The following ROR2 variants were observed in gnomAD, a reference collection of about 807,000 sequenced individuals.
ROR2 encodes ROR family WNT receptor 2.
ROR2 carries 33 observed loss-of-function variants against 74.9 expected under a neutral mutation model. The ratio of observed to expected loss-of-function variants is 0.44; its 90% CI spans 0.33 to 0.59. The LOEUF is 0.59. Ranked by LOEUF, ROR2 falls within the 20% of genes least tolerant of loss-of-function variation. ROR2 has a pLI of 0.02. For missense variants in ROR2, 1,216 were observed against 1,313.8 expected (o/e 0.93, Z 1.15); for synonymous variants, 586 against 558.7 (o/e 1.05, Z -0.69).
Position 91,933,213 on chromosome 9 carries a change from T to G in ROR2, c.97+16654A>C, listed in dbSNP as rs538415585. Among the ~76,000 whole-genome samples the G allele has an allele frequency of 3.9e-5, 6 of 151,924 alleles. 1 individual carries two copies. Among genetic ancestry groups the G allele is most frequent in the African/African-American group, 1.4e-4 (6 of 41,426 alleles). On this transcript the variant is annotated intron_variant, in intron 1 of 8. Coordinates refer to ENST00000375708, the MANE Select transcript of ROR2 (RefSeq NM_004560.4). ...CGCCTGTGGTCCCAGCTACTCAGGA[T>G]GCTGAGGCAGAAGAATCGCTTGAAC... is the stretch of plus-strand genomic sequence containing the variant.
chr9:91,724,806 T>C lies in ROR2; in HGVS notation c.1688A>G (p.Glu563Gly), dbSNP rs772019560. ...FSYCSHGDLH[E>G]FLVMRSPHSD... ...GTGCGGCGAGCGCATGACCAGGAATTCGTGGAGGTCGCCGTGCGAACAGTA... is the reference window on the plus strand; with the variant it reads ...GTGCGGCGAGCGCATGACCAGGAATCCGTGGAGGTCGCCGTGCGAACAGTA... The change falls in exon 9 of 9, where the codon GAA (glutamate) becomes GGA (glycine). Residue 563 changes from glutamate to glycine, a missense_variant. Transcript: ENST00000375708. The C allele has an allele frequency of 5.0e-6, 8 of 1,608,820 alleles. No individual in the cohort carries two copies. The African/African-American group carries it at 1.1e-4, about 22-fold the overall frequency.
chr9:91,925,091 TCCTCCCATCTTGG>T lies in ROR2; in HGVS notation c.97+24763_97+24775del, dbSNP rs1314677431. On this transcript the variant is annotated intron_variant, in intron 1 of 8. Coordinates refer to ENST00000375708, the MANE Select transcript of ROR2 (RefSeq NM_004560.4). Reference sequence around the variant, plus strand: ...GGTCTCAAACTCTTGGGCTCAGTAATCCTCCCATCTTGGCCTCCCCCAAAGTGCTGAGATTACA... The same window carrying T: ...GGTCTCAAACTCTTGGGCTCAGTAATCCTCCCCCAAAGTGCTGAGATTACA... Among the ~76,000 whole-genome samples the T allele has an allele frequency of 2.6e-5, 4 of 152,162 alleles. No homozygotes were observed. The East Asian group carries it at 7.8e-4, about 29-fold the overall frequency.
At chr9:91,735,398 A>C (rs4237215) in intron 5 of ROR2, among the ~76,000 whole-genome samples, 99,832 of 151,972 alleles carry the variant, frequency 0.66, 33,034 homozygotes, top group African/African-American at 0.73. Flanking sequence ...TCTCTAAAAG[A>C]TGCTATAAAA....
At chr9:91,739,029 A>C (rs1472819291) in intron 4 of ROR2, among the ~76,000 whole-genome samples, 1 of 152,210 alleles carries the variant, frequency 6.6e-6, no homozygotes, top group Non-Finnish European at 1.5e-5. Context: ...CAGCAGACAC[A>C]TCGGGGGCTG....
At chr9:91,740,277 G>C (rs532768263) in intron 4 of ROR2, among the ~76,000 whole-genome samples, 2 of 152,176 alleles carry the variant, frequency 1.3e-5, no homozygotes, top group African/African-American at 4.8e-5. Context: ...GGCTGGGCGC[G>C]GTGGCTCAAA....
rs114196249 is a variant in ROR2 at position 91,948,574 on chromosome 9, G to A, written c.97+1293C>T. ...CTGCTTAAACTAAAACCCCCCCCCA[G>A]GAAAGACTGTGCAGCCTTTCTGACT... On this transcript the variant is annotated intron_variant, in intron 1 of 8. Coordinates refer to ENST00000375708, the MANE Select transcript of ROR2 (RefSeq NM_004560.4). The A allele has an allele frequency of 3.0e-3, 2,919 of 985,216 alleles. 77 individuals are homozygous for A. The African/African-American group carries it at 0.046, about 16-fold the overall frequency. 61.0% of individuals were successfully genotyped at this position (985,216 alleles called of 1,614,324 possible).
intron 1 of ROR2, among the ~76,000 whole-genome samples, chr9:91,855,751 A>G (rs934775486): frequency 6.6e-5 from 10 of 152,036 alleles, no homozygotes; most frequent in African/African-American, 1.5e-4. Context: ...AAGCATCTGG[A>G]AGCAGAGGAC....
rs571076447 is a variant in ROR2 at position 91,905,880 on chromosome 9, G to A, written c.97+43987C>T. ...CTCTCCTGGGGAATTCTTGATCCCA[G>A]TGGAAGATTACATATTAAAGAAAAT... On this transcript the variant is annotated intron_variant, in intron 1 of 8. Coordinates refer to ENST00000375708, the MANE Select transcript of ROR2 (RefSeq NM_004560.4). The surrounding 1 kb of genome is among the most constrained non-coding windows in gnomAD (Gnocchi z 5.3). Among the ~76,000 whole-genome samples the A allele has an allele frequency of 2.6e-5, 4 of 152,068 alleles. No homozygotes were observed. In the South Asian group the frequency reaches 8.3e-4, roughly 32 times the overall value.
intron 4 of ROR2, among the ~76,000 whole-genome samples, chr9:91,747,734 A>G (rs1361103070): frequency 6.6e-6 from 1 of 152,204 alleles, no homozygotes; most frequent in Non-Finnish European, 1.5e-5. Flanking sequence ...TATCGTAAGC[A>G]TATCATCACG....
Position 91,757,318 on chromosome 9 carries a change from G to A in ROR2, c.417C>T (p.Asn139=), listed in dbSNP as rs1179983535. The change falls in exon 3 of 9, where the codon AAC becomes AAT. Residue 139 remains asparagine, a synonymous_variant. Transcript: ENST00000375708. ...DTGYYQCVAT[N]GMKTITATGV... is the part of the protein sequence containing the mutation. ...CAGTGGCGGTAATGGTCTTCATCCC[G>A]TTGGTGGCCACGCACTGGTAGTAGC... The A allele has an allele frequency of 1.1e-5, 17 of 1,613,990 alleles. No homozygotes were observed. The highest frequency in any genetic ancestry group is 1.3e-5 in the African/African-American group (1 of 74,996).
chr9:91,798,872 C>G (rs1045296968), intron 1 of ROR2, among the ~76,000 whole-genome samples: 3 of 152,216 alleles, frequency 2.0e-5, no homozygotes, highest in Middle Eastern at 3.4e-3. Context: ...GTGGGTGACC[C>G]TTGGGATTGG....
At chr9:91,940,189 G>C (rs991129612) in intron 1 of ROR2, among the ~76,000 whole-genome samples, 3 of 152,224 alleles carry the variant, frequency 2.0e-5, no homozygotes, top group African/African-American at 7.2e-5. Flanking sequence ...GCAGGGCTGG[G>C]TATCAGACAA....
chr9:91,944,272 T>TA (rs1831953328), intron 1 of ROR2, among the ~76,000 whole-genome samples: 1 of 152,238 alleles, frequency 6.6e-6, no homozygotes, highest in South Asian at 2.1e-4. Context: ...CACAGTCATA[T>TA]ACAGTAGTGT....
intron 1 of ROR2, among the ~76,000 whole-genome samples, chr9:91,810,273 A>G (rs1436306855): frequency 6.6e-6 from 1 of 151,914 alleles, no homozygotes; most frequent in Non-Finnish European, 1.5e-5. Flanking sequence ...GAACAGCTAC[A>G]CTATCTAGTG....
chr9:91,901,441 G>C (rs1170213176), intron 1 of ROR2, among the ~76,000 whole-genome samples: 2 of 152,160 alleles, frequency 1.3e-5, no homozygotes, highest in African/African-American at 4.8e-5. Context: ...TAAGATCTTT[G>C]TTTTCCAACA....
intron 1 of ROR2, among the ~76,000 whole-genome samples, chr9:91,917,745 G>A (rs541446682): frequency 9.8e-5 from 15 of 152,334 alleles, no homozygotes; most frequent in African/African-American, 3.4e-4. Flanking sequence ...GGGGTGCTCA[G>A]GAGAGCATCT....
chr9:91,836,277 C>G (rs1042785792), intron 1 of ROR2, among the ~76,000 whole-genome samples: 7 of 152,152 alleles, frequency 4.6e-5, no homozygotes, highest in African/African-American at 1.7e-4. Flanking sequence ...TCATGGTTCA[C>G]GCCTGTAATC....
Position 91,865,910 on chromosome 9 carries a change from C to A in ROR2, c.97+83957G>T, listed in dbSNP as rs144211698. ...AAACTGCTCCAGAGGATATATGACT[C>A]TAACATGGGATGTTATCCAAATTTA... On this transcript the variant is annotated intron_variant, in intron 1 of 8. Transcript: ENST00000375708. Among the ~76,000 whole-genome samples the A allele has an allele frequency of 2.6e-3, 393 of 152,292 alleles. 1 individual carries two copies. Among genetic ancestry groups the A allele is most frequent in the African/African-American group, 8.9e-3 (368 of 41,546 alleles).
At chr9:91,765,737 G>A (rs1403759726) in intron 2 of ROR2, among the ~76,000 whole-genome samples, 1 of 152,166 alleles carries the variant, frequency 6.6e-6, no homozygotes, top group Non-Finnish European at 1.5e-5. Context: ...TCACAGGTAA[G>A]CTTGTCAACA....
Sources: gnomAD v4.1 joint callset for allele counts (sites outside exome capture counted in the v4.1 genomes callset) on GRCh38, gnomAD v4.1.1 for gene constraint, Gnocchi (gnomAD v3.1) non-coding constraint, MANE v1.5 for transcripts, NCBI Gene and HGNC (gene_info 2026-07-23, HGNC 2026-07-21) for gene names.